CSMD1: variants seen among roughly 807,000 people sequenced by gnomAD.
CSMD1 encodes CUB and sushi domain-containing protein 1.
A neutral mutation model predicts 417.5 loss-of-function variants in CSMD1; 213 were observed. That is an observed-to-expected ratio of 0.51 (90% CI 0.46 to 0.57). CSMD1 has a LOEUF of 0.57. Among genes scored for constraint, CSMD1 ranks in the 20% least tolerant of loss-of-function variants. CSMD1 has a pLI of 0.00. For synonymous variants in CSMD1, 2,862 were observed against 1,736.8 expected, an observed-to-expected ratio of 1.65 and a Z score of -16.11; for missense variants, 6,923 against 4,529.7, an observed-to-expected ratio of 1.53 and a Z score of -15.17.
chr8:3,625,132 T>C (rs899369178), intron 7 of CSMD1, among the ~76,000 whole-genome samples: 5 of 152,110 alleles, frequency 3.3e-5, no homozygotes, highest in Non-Finnish European at 7.4e-5. Flanking sequence ...CAGTAGCTGT[T>C]TTTTCTCTCA....
intron 12 of CSMD1, among the ~76,000 whole-genome samples, chr8:3,429,993 T>C (rs759233724): frequency 6.6e-5 from 10 of 152,204 alleles, no homozygotes; most frequent in Non-Finnish European, 1.2e-4. Context: ...TGTATGTGTG[T>C]ATGGGTATAC....
chr8:4,803,691 T>C (rs1448501758), intron 1 of CSMD1, among the ~76,000 whole-genome samples: 1 of 152,228 alleles, frequency 6.6e-6, no homozygotes, highest in Non-Finnish European at 1.5e-5. Flanking sequence ...GTTAAGCTCA[T>C]TTCTGCTTTT....
chr8:4,949,237 T>C (rs964301155), intron 1 of CSMD1, among the ~76,000 whole-genome samples: 1 of 152,300 alleles, frequency 6.6e-6, no homozygotes, highest in Middle Eastern at 3.4e-3. Context: ...TTAGAATTTT[T>C]GCACCTATCT....
intron 3 of CSMD1, among the ~76,000 whole-genome samples, chr8:4,118,813 T>A (rs1025291372): frequency 6.6e-6 from 1 of 152,170 alleles, no homozygotes; most frequent in African/African-American, 2.4e-5. Context: ...TACAGCACTA[T>A]TCACAATAGC....
chr8:4,767,569 C>A (rs966043717), intron 1 of CSMD1, among the ~76,000 whole-genome samples: 4 of 152,152 alleles, frequency 2.6e-5, no homozygotes, highest in African/African-American at 9.7e-5. Flanking sequence ...GGGGCCTCTC[C>A]TCCCTTTCCG....
intron 11 of CSMD1, among the ~76,000 whole-genome samples, chr8:3,475,994 T>C (rs1208910081): frequency 6.6e-6 from 1 of 152,246 alleles, no homozygotes; most frequent in Non-Finnish European, 1.5e-5. Flanking sequence ...TGATCAAATC[T>C]TCCCTTTGCA....
In CSMD1 at chr8:4,087,717, C is replaced by A. The variant is rs138823805; in HGVS notation, c.416-55618G>T. Among the ~76,000 whole-genome samples, 3 of 152,276 alleles carry A rather than the reference C, an allele frequency of 2.0e-5. No homozygotes were observed. In the East Asian group the frequency reaches 5.8e-4, roughly 29 times the overall value. On this transcript the variant is annotated intron_variant, in intron 3 of 69. Transcript: ENST00000635120. The stretch of plus-strand genomic sequence containing the variant: ...TGCCTGGCATCCTGCCTCCCACACT[C>A]TCAACCGCACCCTTTCTTCTGTCTC...
chr8:3,534,450 G>A (rs1322242483), intron 10 of CSMD1, among the ~76,000 whole-genome samples: 4 of 149,852 alleles, frequency 2.7e-5, no homozygotes, highest in Non-Finnish European at 5.9e-5. Flanking sequence ...ATCAGCATGT[G>A]AGGATCACAC....
At chr8:3,564,623 G>A (rs1021023538) in intron 10 of CSMD1, among the ~76,000 whole-genome samples, 2 of 141,562 alleles carry the variant, frequency 1.4e-5, no homozygotes, top group Non-Finnish European at 3.1e-5. Flanking sequence ...CCAAGAGGAG[G>A]CAGTAAAAAT....
At chr8:3,793,301 A>G (rs1799853161) in intron 5 of CSMD1, among the ~76,000 whole-genome samples, 1 of 152,158 alleles carries the variant, frequency 6.6e-6, no homozygotes, top group African/African-American at 2.4e-5. Context: ...TATTTTTAGA[A>G]TTTCCATTCC....
At chr8:3,819,838 C>G (rs1429774948) in intron 5 of CSMD1, among the ~76,000 whole-genome samples, 1 of 152,120 alleles carries the variant, frequency 6.6e-6, no homozygotes, top group East Asian at 1.9e-4. Flanking sequence ...ACCCATCGCA[C>G]CTGGCCTGAA....
At chr8:4,684,687 T>C (rs1435170770) in intron 1 of CSMD1, among the ~76,000 whole-genome samples, 9 of 152,196 alleles carry the variant, frequency 5.9e-5, no homozygotes, top group Admixed American at 5.9e-4. Context: ...TGAAACATCA[T>C]ACATACGCTT....
intron 3 of CSMD1, among the ~76,000 whole-genome samples, chr8:4,264,065 C>A (rs1005654272): frequency 2.6e-5 from 4 of 152,090 alleles, no homozygotes; most frequent in Non-Finnish European, 5.9e-5. Flanking sequence ...ACCTGAGCCT[C>A]ATCTATAAAA....
At chr8:3,238,153 C>T (rs1243332755) in intron 26 of CSMD1, among the ~76,000 whole-genome samples, 2 of 151,396 alleles carry the variant, frequency 1.3e-5, no homozygotes, top group African/African-American at 4.9e-5. Flanking sequence ...AGGAAAATTA[C>T]AGTCAAAGGG....
chr8:3,753,230 T>A (rs868248681), intron 6 of CSMD1, among the ~76,000 whole-genome samples: 18 of 152,238 alleles, frequency 1.2e-4, no homozygotes, highest in Middle Eastern at 3.2e-3. Flanking sequence ...AGTCATGTTA[T>A]TTTAATTTGG....
In CSMD1 at chr8:3,511,563, C is replaced by T. The variant is rs893842471; in HGVS notation, c.1345-17837G>A. On this transcript the variant is annotated intron_variant, in intron 10 of 69. Coordinates refer to ENST00000635120, the MANE Select transcript of CSMD1 (RefSeq NM_033225.6). ...TGAGGTCAGGAATTTGAGATCAGCC[C>T]GGCCAAAATGGTGAAACCCCTCTCT... 6.6e-5 allele frequency among the ~76,000 whole-genome samples: 10 copies of T among 151,124 alleles called. 1 individual carries two copies. The highest frequency in any genetic ancestry group is 7.4e-5 in the African/African-American group (3 of 40,750).
At position 3,659,420 on chromosome 8, in the gene CSMD1, C is replaced by A. The variant is rs111383749; in HGVS notation, c.1010-42623G>T. Among the ~76,000 whole-genome samples the A allele has an allele frequency of 2.6e-5, 4 of 152,328 alleles. 1 individual carries two copies. The highest frequency in any genetic ancestry group is 9.6e-5 in the African/African-American group (4 of 41,584). On this transcript the variant is annotated intron_variant, in intron 7 of 69. Coordinates refer to ENST00000635120, the MANE Select transcript of CSMD1 (RefSeq NM_033225.6). ...GGTAACGGGTCTCAGTGTTTAGAAT[C>A]ATTGTATAATTATCTGAGACACTAC...
At chr8:3,010,866 C>T (rs1808332417) in intron 52 of CSMD1, among the ~76,000 whole-genome samples, 1 of 151,736 alleles carries the variant, frequency 6.6e-6, no homozygotes, top group African/African-American at 2.4e-5. Context: ...GCCTCAGCTT[C>T]CCAAGTAGCT....
At chr8:4,209,044 C>T (rs1800148573) in intron 3 of CSMD1, among the ~76,000 whole-genome samples, 1 of 152,186 alleles carries the variant, frequency 6.6e-6, no homozygotes, top group Non-Finnish European at 1.5e-5. Flanking sequence ...TCTCCTGTCT[C>T]TGACTTCTTG....
Sources: gnomAD v4.1 joint callset for allele counts (sites outside exome capture counted in the v4.1 genomes callset) on GRCh38, gnomAD v4.1.1 for gene constraint, MANE v1.5 for transcripts, NCBI Gene and HGNC (gene_info 2026-07-23, HGNC 2026-07-21) for gene names.